Variants in EYS observed in about 807,000 individuals in gnomAD.
EYS encodes the protein protein eyes shut homolog.
EYS carries 250 observed loss-of-function variants against 282.1 expected under a neutral mutation model. The ratio of observed to expected loss-of-function variants is 0.89; its 90% CI spans 0.80 to 0.98. EYS has a LOEUF of 0.98. Among genes scored for constraint, EYS ranks in the 50% least tolerant of loss-of-function variants. The pLI is 0.00. For synonymous variants in EYS, 1,355 were observed against 1,282.9 expected (o/e 1.06, Z -1.20); for missense variants, 4,016 against 3,709.0 (o/e 1.08, Z -2.15).
intron 12 of EYS, among the ~76,000 whole-genome samples, chr6:65,181,886 T>C (rs1405022279): frequency 6.6e-6 from 1 of 151,942 alleles, no homozygotes; most frequent in Non-Finnish European, 1.5e-5. Context: ...CCATAAAAAA[T>C]GATGAGTTCA....
chr6:65,433,688 A>G (rs1767963350), intron 5 of EYS, among the ~76,000 whole-genome samples: 2 of 152,194 alleles, frequency 1.3e-5, no homozygotes, highest in South Asian at 4.1e-4. Flanking sequence ...AGTTGTTAAT[A>G]ATTTGATAGC....
At chr6:65,173,927 C>T (rs1401976294) in intron 12 of EYS, among the ~76,000 whole-genome samples, 1 of 151,176 alleles carries the variant, frequency 6.6e-6, no homozygotes, top group African/African-American at 2.4e-5. Flanking sequence ...AAATTTCATA[C>T]ATAGCCTTAA....
intron 14 of EYS, among the ~76,000 whole-genome samples, chr6:64,978,429 A>G (rs1245400877): frequency 6.6e-6 from 1 of 151,966 alleles, no homozygotes; most frequent in East Asian, 1.9e-4. Flanking sequence ...TCAAAATATT[A>G]CTGTGCTTTG....
chr6:65,271,128 T>TTATATAAATATATATATATATATA (rs1767888335), intron 12 of EYS, among the ~76,000 whole-genome samples: 1 of 55,788 alleles, frequency 1.8e-5, no homozygotes, highest in Admixed American at 2.6e-4. Context: ...AATCAATAGA[T>TTATATAAATATATATATATATATA]TATATATATA....
At chr6:63,863,672 T>TC (rs1554182912) in intron 36 of EYS, among the ~76,000 whole-genome samples, 2 of 81,784 alleles carry the variant, frequency 2.4e-5, no homozygotes, top group Non-Finnish European at 4.9e-5. Context: ...TCTTTTCTTT[T>TC]TTCTTTTTTT....
chr6:64,343,908 T>A (rs1033707577), intron 29 of EYS, among the ~76,000 whole-genome samples: 1 of 151,904 alleles, frequency 6.6e-6, no homozygotes, highest in African/African-American at 2.4e-5. Flanking sequence ...ACAAACTACA[T>A]CAGAGAATAC....
At chr6:65,111,664 A>T (rs536067976) in intron 12 of EYS, among the ~76,000 whole-genome samples, 1 of 152,250 alleles carries the variant, frequency 6.6e-6, no homozygotes, top group African/African-American at 2.4e-5. Context: ...CCTGACCAAC[A>T]TGATGAAGCC....
intron 31 of EYS, among the ~76,000 whole-genome samples, chr6:64,220,037 G>A (rs970273320): frequency 3.3e-5 from 5 of 152,102 alleles, no homozygotes; most frequent in Non-Finnish European, 7.4e-5. Context: ...ATTGTGGGGT[G>A]AGGGGGAGGG....
At chr6:65,098,946 A>C (rs916091231) in intron 12 of EYS, among the ~76,000 whole-genome samples, 2 of 150,836 alleles carry the variant, frequency 1.3e-5, no homozygotes, top group African/African-American at 4.8e-5. Flanking sequence ...AGCAGAGTAC[A>C]TATTTATTTC....
chr6:64,150,333 G>C (rs1562225993), intron 31 of EYS, among the ~76,000 whole-genome samples: 4 of 152,140 alleles, frequency 2.6e-5, no homozygotes. Flanking sequence ...GTAGCAGATG[G>C]GGATCCTTAT....
chr6:64,959,281 G>T (rs935699837), intron 14 of EYS, among the ~76,000 whole-genome samples: 5 of 152,102 alleles, frequency 3.3e-5, no homozygotes, highest in African/African-American at 1.2e-4. Context: ...ATTAATTTAT[G>T]AAAACAAGCC....
Position 64,169,431 on chromosome 6 carries a change from G to GTTTTTTTTTTTTTTTTTTTTTTTTTTT in EYS, c.6424+61160_6424+61161insAAAAAAAAAAAAAAAAAAAAAAAAAAA, listed in dbSNP as rs35657029. On this transcript the variant is annotated intron_variant, in intron 31 of 42. Transcript: ENST00000503581. ...ACATACTCAAACAATTTGAGGAGGAGTTTTTTTTTTTTTTTTACAAAAAGG... is the reference window on the plus strand; with the variant it reads ...ACATACTCAAACAATTTGAGGAGGAGTTTTTTTTTTTTTTTTTTTTTTTTTTTTTTTTTTTTTTTTTTTACAAAAAGG... Among the ~76,000 whole-genome samples the GTTTTTTTTTTTTTTTTTTTTTTTTTTT allele has an allele frequency of 5.7e-4, 80 of 140,974 alleles. 2 individuals carry two copies. Among genetic ancestry groups the GTTTTTTTTTTTTTTTTTTTTTTTTTTT allele is most frequent in the African/African-American group, 2.0e-3 (73 of 36,416 alleles). The allele number at this position is 140,974 out of a possible 152,430, so 92.5% of individuals were successfully genotyped here.
chr6:64,408,111 C>T (rs1372129207), intron 28 of EYS, among the ~76,000 whole-genome samples: 1 of 151,818 alleles, frequency 6.6e-6, no homozygotes, highest in Non-Finnish European at 1.5e-5. Context: ...CCTTATTCTG[C>T]TCTAAACCTT....
intron 8 of EYS, among the ~76,000 whole-genome samples, chr6:65,377,375 C>T (rs1765409628): frequency 6.6e-6 from 1 of 152,030 alleles, no homozygotes; most frequent in Non-Finnish European, 1.5e-5. Flanking sequence ...AGCTAAAGCA[C>T]TATTTACAGG....
At chr6:65,372,973 A>G (rs1281220165) in intron 8 of EYS, among the ~76,000 whole-genome samples, 2 of 152,168 alleles carry the variant, frequency 1.3e-5, no homozygotes. Flanking sequence ...ATATTAAAAA[A>G]GAAATATATT....
Position 64,840,252 on chromosome 6 carries a change from T to G in EYS, c.2993-17430A>C, listed in dbSNP as rs115533728. ...TAAAATGGTCACATACTATTATTATTATCTAGGAATGGGGTAAGTAAAGAT... is the reference window on the plus strand; with the variant it reads ...TAAAATGGTCACATACTATTATTATGATCTAGGAATGGGGTAAGTAAAGAT... On this transcript the variant is annotated intron_variant, in intron 19 of 42. Transcript: ENST00000503581. Among the ~76,000 whole-genome samples the G allele has an allele frequency of 1.9e-3, 293 of 152,240 alleles. 1 individual carries two copies. The highest frequency in any genetic ancestry group is 6.7e-3 in the African/African-American group (279 of 41,568).
intron 8 of EYS, among the ~76,000 whole-genome samples, chr6:65,364,720 A>G (rs1335618770): frequency 6.6e-6 from 1 of 151,566 alleles, no homozygotes; most frequent in Admixed American, 6.7e-5. Flanking sequence ...TTCTCCCCGG[A>G]TGACACCATG....
intron 12 of EYS, among the ~76,000 whole-genome samples, chr6:65,229,041 T>C (rs1250720133): frequency 6.6e-6 from 1 of 151,796 alleles, no homozygotes; most frequent in Non-Finnish European, 1.5e-5. Flanking sequence ...AAAGTAACCA[T>C]AAGGAAAGAA....
chr6:65,205,332 T>G (rs2150248502), intron 12 of EYS, among the ~76,000 whole-genome samples: 1 of 151,276 alleles, frequency 6.6e-6, no homozygotes, highest in Middle Eastern at 3.4e-3. Context: ...ATGATAAAGG[T>G]TTCAATACAA....
Sources: gnomAD v4.1 joint callset for allele counts (sites outside exome capture counted in the v4.1 genomes callset) on GRCh38, gnomAD v4.1.1 for gene constraint, MANE v1.5 for transcripts, NCBI Gene and HGNC (gene_info 2026-07-23, HGNC 2026-07-21) for gene names.